Variants in NANOS1 observed in about 807,000 individuals in gnomAD.
NANOS1 encodes nanos C2HC-type zinc finger 1.
Under a neutral mutation model 1.1 loss-of-function variants are expected in NANOS1, and 1 was observed. That is an observed-to-expected ratio of 0.88 (90% confidence interval 0.31 to 4.20). NANOS1 has a LOEUF of 4.20. NANOS1 is among the 30% of genes most tolerant of loss of function. NANOS1 has a pLI of 0.17. For missense variants in NANOS1, 537 were observed against 457.9 expected (o/e 1.17, Z -1.58); for synonymous variants, 252 against 230.6 (o/e 1.09, Z -0.84).
rs998531492 is a variant in NANOS1, at chr10:119,029,714, G to A, written c.-88G>A. On this transcript the variant is annotated 5_prime_UTR_variant, in exon 1 of 1. Coordinates refer to ENST00000425699, the MANE Select transcript of NANOS1 (RefSeq NM_199461.4). Reference sequence around the variant, plus strand: ...AAAGGCGGCGCGGCGGCCCCACCCCGCGGCAGGCCGGCGGGCAGGCTCGGC... The same window carrying A: ...AAAGGCGGCGCGGCGGCCCCACCCCACGGCAGGCCGGCGGGCAGGCTCGGC... 4.6e-4 allele frequency: 306 copies of A among 666,332 alleles called. No homozygotes were observed. The highest frequency in any genetic ancestry group is 5.5e-4 in the Non-Finnish European group (298 of 541,976). 41.3% of individuals were successfully genotyped at this position (666,332 alleles called of 1,614,324 possible).
At position 119,032,988 on chromosome 10, in the gene NANOS1, G is replaced by C. The variant is rs1848073840; in HGVS notation, c.*2308G>C. 1 of 166,014 alleles carries C rather than the reference G, an allele frequency of 6.0e-6. No individual in the cohort carries two copies. Among genetic ancestry groups the C allele is most frequent in the South Asian group, 2.1e-4 (1 of 4,824 alleles). 10.3% of individuals were successfully genotyped at this position (166,014 alleles called of 1,614,324 possible). A position where few individuals can be genotyped will look rare whatever the true frequency, so the allele number is the denominator to read the frequency against. ...GAGGCGAGGCGGGGGTGGATCACAA[G>C]GTCAGGAGACCAGCCTGGCCAACAT... On this transcript the variant is annotated 3_prime_UTR_variant, in exon 1 of 1. Coordinates refer to ENST00000425699, the MANE Select transcript of NANOS1 (RefSeq NM_199461.4).
rs1168457687 is a variant in NANOS1, at chr10:119,029,876, C to G, written c.75C>G (p.Ser25Arg). The stretch of plus-strand genomic sequence containing the variant: ...CCCCGCCCATGGCGCTCGTGCCCAG[C>G]GCCCGCTACGTGAGCGCCCCGGGCC... ...RAPPPMALVP[S>R]ARYVSAPGPA... The change falls in exon 1 of 1, where the codon AGC becomes AGG. Residue 25 changes from serine to arginine, a missense_variant. Ser to Arg is a moderately radical substitution (Grantham distance 110, BLOSUM62 -1). Coordinates refer to ENST00000425699, the MANE Select transcript of NANOS1 (RefSeq NM_199461.4). The G allele has an allele frequency of 7.7e-6, 10 of 1,292,770 alleles. No individual in the cohort carries two copies. The highest frequency in any genetic ancestry group is 5.9e-6 in the Non-Finnish European group (6 of 1,023,382). The allele number at this position is 1,292,770 out of a possible 1,614,324, so 80.1% of individuals were successfully genotyped here.
Position 119,030,305 on chromosome 10 carries a change from C to T in NANOS1, c.504C>T (p.Ala168=), listed in dbSNP as rs1468647826. The T allele has an allele frequency of 7.9e-6, 9 of 1,133,152 alleles. No homozygotes were observed. The highest frequency in any genetic ancestry group is 9.8e-5 in the Admixed American group (2 of 20,312). The allele number at this position is 1,133,152 out of a possible 1,614,324, so 70.2% of individuals were successfully genotyped here. A position where few individuals can be genotyped will look rare whatever the true frequency, so the allele number is the denominator to read the frequency against. ...CCGTGCTGCTGGGCTGCGCGCCCGC[C>T]GCCGCCGCCGCCGCCACCACCACCA... ...AAAVLLGCAP[A]AAAAATTTSE... is the part of the protein sequence containing the mutation. Residue 168 remains alanine (A), a synonymous_variant, in exon 1 of 1, where the codon GCC becomes GCT. Coordinates refer to ENST00000425699, the MANE Select transcript of NANOS1 (RefSeq NM_199461.4). The surrounding 1 kb of genome is among the most constrained non-coding windows in gnomAD (Gnocchi z 5.3).
At position 119,033,435 on chromosome 10, in the gene NANOS1, T is replaced by C. The variant is rs972927309; in HGVS notation, c.*2755T>C. On this transcript the variant is annotated 3_prime_UTR_variant, in exon 1 of 1. Coordinates refer to ENST00000425699, the MANE Select transcript of NANOS1 (RefSeq NM_199461.4). ...CCAATTTTTCAAAGTTTAAGAAATA[T>C]ACAAAGTATGACAAAATTATCTTCA... 1 of 167,090 alleles carries C rather than the reference T, an allele frequency of 6.0e-6. No homozygotes were observed. Among genetic ancestry groups the C allele is most frequent in the Non-Finnish European group, 1.5e-5 (1 of 68,108 alleles). The allele number at this position is 167,090 out of a possible 1,614,324, so 10.4% of individuals were successfully genotyped here. A position where few individuals can be genotyped will look rare whatever the true frequency, so the allele number is the denominator to read the frequency against.
rs536347630 is a variant in NANOS1, at chr10:119,031,369, G to C, written c.*689G>C. 9 of 167,034 alleles carry C rather than the reference G, an allele frequency of 5.4e-5. No homozygotes were observed. The highest frequency in any genetic ancestry group is 1.3e-4 in the Non-Finnish European group (9 of 68,106). 10.3% of individuals were successfully genotyped at this position (167,034 alleles called of 1,614,324 possible). The stretch of plus-strand genomic sequence containing the variant: ...AGCAGGTAGAATACAGCTCCTTATC[G>C]TTCTATGTACCAGGTATTTTATTAC... On this transcript the variant is annotated 3_prime_UTR_variant, in exon 1 of 1. Transcript: ENST00000425699.
chr10:119,029,813 C>CCCCTGGGCG lies in NANOS1; in HGVS notation c.16_24dup (p.Trp6_Pro8dup). On this transcript the variant is annotated inframe_insertion, in exon 1 of 1. Transcript: ENST00000425699. ...CCCGCAGCCCGCCCATGGAGGCTTT[C>CCCCTGGGCG]CCCTGGGCGCCCCGCTCGCCCCGCC... 1 of 1,136,194 alleles carries CCCCTGGGCG rather than the reference C, an allele frequency of 8.8e-7. No homozygotes were observed. Among genetic ancestry groups the CCCCTGGGCG allele is most frequent in the Non-Finnish European group, 1.1e-6 (1 of 931,004 alleles). The allele number at this position is 1,136,194 out of a possible 1,614,324, so 70.4% of individuals were successfully genotyped here.
rs1197515376 is a variant in NANOS1 at position 119,029,830 on chromosome 10, C to T, written c.29C>T (p.Ser10Leu). MEAFPWAPRSPRRGRAPPPM... is the reference protein window; with the variant it reads MEAFPWAPRLPRRGRAPPPM... Reference sequence around the variant, plus strand: ...GAGGCTTTCCCCTGGGCGCCCCGCTCGCCCCGCCGCGGCCGCGCCCCCCCG... The same window carrying T: ...GAGGCTTTCCCCTGGGCGCCCCGCTTGCCCCGCCGCGGCCGCGCCCCCCCG... The change falls in exon 1 of 1, where the codon TCG (serine) becomes TTG (leucine). Residue 10 changes from serine to leucine, a missense_variant. Coordinates refer to ENST00000425699, the MANE Select transcript of NANOS1 (RefSeq NM_199461.4). 1.7e-6 allele frequency: 2 copies of T among 1,182,140 alleles called. No individual in the cohort carries two copies. Among genetic ancestry groups the T allele is most frequent in the Admixed American group, 9.3e-5 (2 of 21,536 alleles). The allele number at this position is 1,182,140 out of a possible 1,614,324, so 73.2% of individuals were successfully genotyped here. A position where few individuals can be genotyped will look rare whatever the true frequency, so the allele number is the denominator to read the frequency against.
At position 119,031,471 on chromosome 10, in the gene NANOS1, T is replaced by C. The variant is rs1204352047; in HGVS notation, c.*791T>C. ...CATATTGTGTATAACTTGGAAATGGTGCTGTTTAAAAAAATTGTGTATTTA... is the reference window on the plus strand; with the variant it reads ...CATATTGTGTATAACTTGGAAATGGCGCTGTTTAAAAAAATTGTGTATTTA... On this transcript the variant is annotated 3_prime_UTR_variant, in exon 1 of 1. Coordinates refer to ENST00000425699, the MANE Select transcript of NANOS1 (RefSeq NM_199461.4). 1 of 167,102 alleles carries C rather than the reference T, an allele frequency of 6.0e-6. No individual in the cohort carries two copies. 10.4% of individuals were successfully genotyped at this position (167,102 alleles called of 1,614,324 possible). A position where few individuals can be genotyped will look rare whatever the true frequency, so the allele number is the denominator to read the frequency against.
In NANOS1 at chr10:119,033,634, G is replaced by A. The variant is rs536622149; in HGVS notation, c.*2954G>A. 2.6e-4 allele frequency: 44 copies of A among 166,438 alleles called. No homozygotes were observed. Among genetic ancestry groups the A allele is most frequent in the African/African-American group, 1.0e-3 (42 of 41,474 alleles). 10.3% of individuals were successfully genotyped at this position (166,438 alleles called of 1,614,324 possible). On this transcript the variant is annotated 3_prime_UTR_variant, in exon 1 of 1. Transcript: ENST00000425699. The stretch of plus-strand genomic sequence containing the variant: ...TTAATTTTCCTACAAAGTCCTTTTT[G>A]GAAGTTGCAGAATTATTAGCTTTGA...
At position 119,030,603 on chromosome 10, in the gene NANOS1, T is replaced by TC. The variant is rs778334918; in HGVS notation, c.804dup (p.Lys269GlnfsTer71). 6.7e-7 allele frequency: 1 copy of TC among 1,494,650 alleles called. No homozygotes were observed. Among genetic ancestry groups the TC allele is most frequent in the Non-Finnish European group, 8.9e-7 (1 of 1,125,062 alleles). The allele number at this position is 1,494,650 out of a possible 1,614,324, so 92.6% of individuals were successfully genotyped here. A position where few individuals can be genotyped will look rare whatever the true frequency, so the allele number is the denominator to read the frequency against. The stretch of plus-strand genomic sequence containing the variant: ...GCACACCATCAAGTACTGCCCGCTC[T>TC]CCAAAGTGCCGCCGCCGCCCGCCCG... On this transcript the variant is annotated frameshift_variant, in exon 1 of 1. Transcript: ENST00000425699. LOFTEE classifies it high-confidence loss of function. This position sits in a 1 kb window ranked among gnomAD's most constrained non-coding sequence, Gnocchi z 5.3.
In NANOS1 at chr10:119,029,949, G is replaced by T; in HGVS notation, c.148G>T (p.Ala50Ser). The change falls in exon 1 of 1, where the codon GCC (alanine) becomes TCC (serine). Residue 50 changes from alanine (A) to serine (S), a missense_variant. Coordinates refer to ENST00000425699, the MANE Select transcript of NANOS1 (RefSeq NM_199461.4). ...CTCCTGGAACGACTACCTGGGGCTC[G>T]CCACGCTCATCACCAAAGCGGTGGA... is the stretch of plus-strand genomic sequence containing the variant. ...FSSWNDYLGL[A>S]TLITKAVDGE... 1 of 1,434,804 alleles carries T rather than the reference G, an allele frequency of 7.0e-7. No individual in the cohort carries two copies. Among genetic ancestry groups the T allele is most frequent in the Non-Finnish European group, 9.1e-7 (1 of 1,094,346 alleles). 88.9% of individuals were successfully genotyped at this position (1,434,804 alleles called of 1,614,324 possible).
Position 119,029,903 on chromosome 10 carries a change from G to A in NANOS1, c.102G>A (p.Pro34=). ...CCCGCTACGTGAGCGCCCCGGGCCC[G>A]GCGCACCCGCAGCCCTTCAGCTCCT... The part of the protein sequence containing the change: ...PSARYVSAPG[P]AHPQPFSSWN... The change falls in exon 1 of 1, where the codon CCG becomes CCA. Residue 34 remains proline (P), a synonymous_variant. Coordinates refer to ENST00000425699, the MANE Select transcript of NANOS1 (RefSeq NM_199461.4). 6 of 1,388,068 alleles carry A rather than the reference G, an allele frequency of 4.3e-6. No homozygotes were observed. The highest frequency in any genetic ancestry group is 5.6e-6 in the Non-Finnish European group (6 of 1,066,824). The allele number at this position is 1,388,068 out of a possible 1,614,324, so 86.0% of individuals were successfully genotyped here. A position where few individuals can be genotyped will look rare whatever the true frequency, so the allele number is the denominator to read the frequency against.
chr10:119,030,338 G>C lies in NANOS1; in HGVS notation c.537G>C (p.Ala179=). ...CCGCCGCCACCACCACCAGCGAGGC[G>C]ACGCCGCGCGAGGAGCGGGCCCCGG... The part of the protein sequence containing the change: ...AAAAATTTSE[A]TPREERAPAW... Residue 179 remains alanine (A), a synonymous_variant, in exon 1 of 1, where the codon GCG becomes GCC. Coordinates refer to ENST00000425699, the MANE Select transcript of NANOS1 (RefSeq NM_199461.4). The surrounding 1 kb of genome is among the most constrained non-coding windows in gnomAD (Gnocchi z 5.3). 1 of 1,127,212 alleles carries C rather than the reference G, an allele frequency of 8.9e-7. No individual in the cohort carries two copies. The highest frequency in any genetic ancestry group is 1.1e-6 in the Non-Finnish European group (1 of 923,480). 69.8% of individuals were successfully genotyped at this position (1,127,212 alleles called of 1,614,324 possible). A position where few individuals can be genotyped will look rare whatever the true frequency, so the allele number is the denominator to read the frequency against.
At position 119,033,575 on chromosome 10, in the gene NANOS1, A is replaced by T. The variant is rs1230849750; in HGVS notation, c.*2895A>T. On this transcript the variant is annotated 3_prime_UTR_variant, in exon 1 of 1. Coordinates refer to ENST00000425699, the MANE Select transcript of NANOS1 (RefSeq NM_199461.4). ...AACCTGTTCTTTTCTGTACAGACTT[A>T]AAATTTCTAGTGGCTTTTATTTTTC... 6.0e-6 allele frequency: 1 copy of T among 167,078 alleles called. No homozygotes were observed. 10.3% of individuals were successfully genotyped at this position (167,078 alleles called of 1,614,324 possible).
Position 119,029,744 on chromosome 10 carries a change from C to A in NANOS1, c.-58C>A, listed in dbSNP as rs531320758. 3.2e-6 allele frequency: 3 copies of A among 930,180 alleles called. No homozygotes were observed. The highest frequency in any genetic ancestry group is 6.4e-5 in the Admixed American group (1 of 15,716). The allele number at this position is 930,180 out of a possible 1,614,324, so 57.6% of individuals were successfully genotyped here. A position where few individuals can be genotyped will look rare whatever the true frequency, so the allele number is the denominator to read the frequency against. ...AGGCCGGCGGGCAGGCTCGGCGTGT[C>A]CCTTCCGTCCGGCCCGCGCCGGCGG... On this transcript the variant is annotated 5_prime_UTR_variant, in exon 1 of 1. Coordinates refer to ENST00000425699, the MANE Select transcript of NANOS1 (RefSeq NM_199461.4).
rs1431759192 is a variant in NANOS1 at position 119,031,461 on chromosome 10, TTGGAAA to T, written c.*785_*790del. On this transcript the variant is annotated 3_prime_UTR_variant, in exon 1 of 1. Coordinates refer to ENST00000425699, the MANE Select transcript of NANOS1 (RefSeq NM_199461.4). ...AAGTCATAATCATATTGTGTATAAC[TTGGAAA>T]TGGTGCTGTTTAAAAAAATTGTGTA... 1.2e-5 allele frequency: 2 copies of T among 167,128 alleles called. No individual in the cohort carries two copies. The highest frequency in any genetic ancestry group is 2.9e-5 in the Non-Finnish European group (2 of 68,134). The allele number at this position is 167,128 out of a possible 1,614,324, so 10.4% of individuals were successfully genotyped here.
In NANOS1 at chr10:119,033,524, C is replaced by A. The variant is rs1307370904; in HGVS notation, c.*2844C>A. On this transcript the variant is annotated 3_prime_UTR_variant, in exon 1 of 1. Coordinates refer to ENST00000425699, the MANE Select transcript of NANOS1 (RefSeq NM_199461.4). The stretch of plus-strand genomic sequence containing the variant: ...ACAGGGAAGAGTCAAAAGGGCTTCT[C>A]CAACTGTAGAGGTACAGATTGTCTT... The A allele has an allele frequency of 6.0e-6, 1 of 167,058 alleles. No individual in the cohort carries two copies. The highest frequency in any genetic ancestry group is 1.5e-5 in the Non-Finnish European group (1 of 68,110). The allele number at this position is 167,058 out of a possible 1,614,324, so 10.3% of individuals were successfully genotyped here.
rs1848064816 is a variant in NANOS1, at chr10:119,032,397, CAG to C, written c.*1723_*1724del. 1 of 166,870 alleles carries C rather than the reference CAG, an allele frequency of 6.0e-6. No homozygotes were observed. The highest frequency in any genetic ancestry group is 2.4e-5 in the African/African-American group (1 of 41,436). 10.3% of individuals were successfully genotyped at this position (166,870 alleles called of 1,614,324 possible). A position where few individuals can be genotyped will look rare whatever the true frequency, so the allele number is the denominator to read the frequency against. On this transcript the variant is annotated 3_prime_UTR_variant, in exon 1 of 1. Transcript: ENST00000425699. The stretch of plus-strand genomic sequence containing the variant: ...AACGCTGCTAGTCTTAACCCCAGAC[CAG>C]AGAGAACTGCAGATCTGACTGGGCC...
chr10:119,030,072 G>T lies in NANOS1; in HGVS notation c.271G>T (p.Ala91Ser). The T allele has an allele frequency of 7.6e-7, 1 of 1,323,138 alleles. No homozygotes were observed. Among genetic ancestry groups the T allele is most frequent in the Non-Finnish European group, 9.6e-7 (1 of 1,039,798 alleles). The allele number at this position is 1,323,138 out of a possible 1,614,324, so 82.0% of individuals were successfully genotyped here. A position where few individuals can be genotyped will look rare whatever the true frequency, so the allele number is the denominator to read the frequency against. ...SSSCCSPHTG[A>S]GPGALGPALG... Reference sequence around the variant, plus strand: ...GTCCTGCTGCTCCCCCCACACGGGGGCCGGGCCTGGGGCGCTGGGGCCGGC... The same window carrying T: ...GTCCTGCTGCTCCCCCCACACGGGGTCCGGGCCTGGGGCGCTGGGGCCGGC... The change falls in exon 1 of 1, where the codon GCC becomes TCC. Residue 91 changes from alanine (A) to serine (S), a missense_variant. Ala to Ser is a moderately conservative substitution (Grantham distance 99, BLOSUM62 1). Transcript: ENST00000425699. The surrounding 1 kb of genome is among the most constrained non-coding windows in gnomAD (Gnocchi z 5.3).
Sources: gnomAD v4.1 joint callset for allele counts on GRCh38, gnomAD v4.1.1 for gene constraint, Gnocchi (gnomAD v3.1) non-coding constraint, MANE v1.5 for transcripts, NCBI Gene and HGNC (gene_info 2026-07-23, HGNC 2026-07-21) for gene names.